Variants in SYT1 observed in about 807,000 individuals in gnomAD.
SYT1 encodes the protein synaptotagmin 1.
In SYT1, 8 loss-of-function variants were observed where a neutral mutation model predicts 44.8. That is an observed-to-expected ratio of 0.18 (90% CI 0.10 to 0.32). The LOEUF is 0.32. SYT1 is among the 10% of genes least tolerant of loss of function. The pLI is 1.00. For missense variants in SYT1, 286 were observed against 509.3 expected, an observed-to-expected ratio of 0.56 and a Z score of 4.22; for synonymous variants, 154 against 188.8, an observed-to-expected ratio of 0.82 and a Z score of 1.51.
At chr12:79,011,580 A>G (rs1871408152) in intron 2 of SYT1, among the ~76,000 whole-genome samples, 1 of 151,092 alleles carries the variant, frequency 6.6e-6, no homozygotes, top group African/African-American at 2.5e-5. Context: ...TCTTGCTAGA[A>G]ATAGTTCAAA....
chr12:79,364,693 T>C (rs994704380), intron 9 of SYT1, among the ~76,000 whole-genome samples: 1 of 152,174 alleles, frequency 6.6e-6, no homozygotes, highest in Non-Finnish European at 1.5e-5. Context: ...TAAAGCAACA[T>C]GATTAAGAAA....
At chr12:78,909,203 T>A (rs1240393688) in intron 1 of SYT1, among the ~76,000 whole-genome samples, 1 of 151,916 alleles carries the variant, frequency 6.6e-6, no homozygotes, top group African/African-American at 2.4e-5. Flanking sequence ...CCAAGGTGAA[T>A]GGTTATCTAA....
intron 3 of SYT1, among the ~76,000 whole-genome samples, chr12:79,138,431 G>A (rs757288608): frequency 6.6e-6 from 1 of 152,088 alleles, no homozygotes; most frequent in Non-Finnish European, 1.5e-5. Context: ...TTTCCCAAAG[G>A]CAGTAATAAC....
At chr12:79,330,946 T>C (rs1881826786) in intron 8 of SYT1, among the ~76,000 whole-genome samples, 1 of 152,208 alleles carries the variant, frequency 6.6e-6, no homozygotes, top group Non-Finnish European at 1.5e-5. Flanking sequence ...GAACCTAACA[T>C]CTTTCAGGCA....
chr12:79,202,852 T>C (rs757738592), intron 3 of SYT1, among the ~76,000 whole-genome samples: 2 of 152,228 alleles, frequency 1.3e-5, no homozygotes, highest in African/African-American at 2.4e-5. Flanking sequence ...AATTTTCTTA[T>C]AATTCACATC....
chr12:79,099,516 A>C (rs539109389), intron 3 of SYT1, among the ~76,000 whole-genome samples: 1 of 152,286 alleles, frequency 6.6e-6, no homozygotes, highest in Non-Finnish European at 1.5e-5. Context: ...AATTACTCAA[A>C]AATCAGAAAT....
chr12:79,017,170 G>C (rs1871862763), intron 2 of SYT1, among the ~76,000 whole-genome samples: 1 of 152,086 alleles, frequency 6.6e-6, no homozygotes, highest in Admixed American at 6.6e-5. Context: ...CTTTATGATA[G>C]GTAGATATTC....
At chr12:79,045,216 C>A (rs981057360) in intron 2 of SYT1, among the ~76,000 whole-genome samples, 1 of 152,214 alleles carries the variant, frequency 6.6e-6, no homozygotes, top group Admixed American at 6.5e-5. Context: ...GCCCCTCCCC[C>A]AGCCTGGCTG....
chr12:78,929,446 A>AAAAAAAAAAAAAG lies in SYT1; in HGVS notation c.-216-48353_-216-48352insAAAAAAAAAAAAG, dbSNP rs373264605. Among the ~76,000 whole-genome samples the AAAAAAAAAAAAAG allele has an allele frequency of 1.9e-3, 239 of 128,568 alleles. 39 individuals carry two copies. The highest frequency in any genetic ancestry group is 9.0e-3 in the African/African-American group (233 of 25,886). The allele number at this position is 128,568 out of a possible 152,430, so 84.3% of individuals were successfully genotyped here. On this transcript the variant is annotated intron_variant, in intron 1 of 10. Coordinates refer to ENST00000261205, the MANE Select transcript of SYT1 (RefSeq NM_005639.3). Reference sequence around the variant, plus strand: ...AAAAAAAAAAAAAAAAAAAAAAAAAAGGTTATTAGCAGCAATTAGTTTTAT... The same window carrying AAAAAAAAAAAAAG: ...AAAAAAAAAAAAAAAAAAAAAAAAAAAAAAAAAAAAAAGGGTTATTAGCAGCAATTAGTTTTAT...
At chr12:79,034,896 G>T (rs971571682) in intron 2 of SYT1, among the ~76,000 whole-genome samples, 1 of 151,814 alleles carries the variant, frequency 6.6e-6, no homozygotes, top group Non-Finnish European at 1.5e-5. Context: ...AAAAATAATG[G>T]TGTCTTTAGA....
At chr12:79,301,267 C>T (rs920933206) in intron 8 of SYT1, among the ~76,000 whole-genome samples, 6 of 152,252 alleles carry the variant, frequency 3.9e-5, no homozygotes, top group Non-Finnish European at 5.9e-5. Flanking sequence ...TTGTTACTTT[C>T]ACCTGGATAA....
intron 3 of SYT1, among the ~76,000 whole-genome samples, chr12:79,118,395 T>C (rs1028690703): frequency 6.6e-6 from 1 of 152,234 alleles, no homozygotes; most frequent in Non-Finnish European, 1.5e-5. Context: ...AGTGTAACAT[T>C]AAGAACAAAT....
rs1870934449 is a variant in SYT1, at chr12:79,449,623, A to G, written c.*499A>G. Reference sequence around the variant, plus strand: ...AAGGCACTAGTACAGTTAAACTGACATCTTAAAGGACAACTTAAACCTGAG... The same window carrying G: ...AAGGCACTAGTACAGTTAAACTGACGTCTTAAAGGACAACTTAAACCTGAG... On this transcript the variant is annotated 3_prime_UTR_variant, in exon 11 of 11. Transcript: ENST00000261205. The G allele has an allele frequency of 1.3e-5, 2 of 153,278 alleles. No homozygotes were observed. Among genetic ancestry groups the G allele is most frequent in the African/African-American group, 4.8e-5 (2 of 41,458 alleles). 9.5% of individuals were successfully genotyped at this position (153,278 alleles called of 1,614,324 possible). A position where few individuals can be genotyped will look rare whatever the true frequency, so the allele number is the denominator to read the frequency against.
chr12:79,447,942 C>T (rs1390774658), intron 10 of SYT1, among the ~76,000 whole-genome samples: 1 of 152,184 alleles, frequency 6.6e-6, no homozygotes, highest in East Asian at 1.9e-4. Context: ...ACATTTTCTG[C>T]TACTTTCAAC....
chr12:78,981,425 C>T (rs1869253912), intron 2 of SYT1, among the ~76,000 whole-genome samples: 1 of 152,096 alleles, frequency 6.6e-6, no homozygotes, highest in Non-Finnish European at 1.5e-5. Context: ...CATGAGCAGC[C>T]TTAATTCTTT....
chr12:79,057,787 C>T (rs369359155), intron 3 of SYT1, among the ~76,000 whole-genome samples: 59 of 151,898 alleles, frequency 3.9e-4, no homozygotes, highest in African/African-American at 5.6e-4. Context: ...CTTCCTCATC[C>T]CTCCTTCCTG....
At chr12:79,025,470 A>G (rs571578218) in intron 2 of SYT1, among the ~76,000 whole-genome samples, 1 of 151,764 alleles carries the variant, frequency 6.6e-6, no homozygotes, top group South Asian at 2.1e-4. Flanking sequence ...TAAGTTTAGT[A>G]GCTTGCTTTG....
At chr12:78,920,138 G>A (rs2137158580) in intron 1 of SYT1, among the ~76,000 whole-genome samples, 1 of 151,940 alleles carries the variant, frequency 6.6e-6, no homozygotes, top group Admixed American at 6.6e-5. Context: ...GTGATATATA[G>A]TAATGTGTCT....
At chr12:79,133,654 A>G (rs1279116215) in intron 3 of SYT1, among the ~76,000 whole-genome samples, 1 of 152,230 alleles carries the variant, frequency 6.6e-6, no homozygotes, top group Non-Finnish European at 1.5e-5. Flanking sequence ...AAAAAGAGAT[A>G]TGTATAAAAG....
Sources: gnomAD v4.1 joint callset for allele counts (sites outside exome capture counted in the v4.1 genomes callset) on GRCh38, gnomAD v4.1.1 for gene constraint, MANE v1.5 for transcripts, NCBI Gene and HGNC (gene_info 2026-07-23, HGNC 2026-07-21) for gene names.